The following REV3L variants were observed in gnomAD, a reference collection of about 807,000 sequenced individuals.
The protein encoded by REV3L is REV3 like, DNA directed polymerase zeta catalytic subunit.
REV3L carries 69 observed loss-of-function variants against 299.4 expected under a neutral mutation model. The ratio of observed to expected loss-of-function variants is 0.23; its 90% CI spans 0.19 to 0.28. The LOEUF (loss-of-function observed/expected upper bound fraction) is 0.28. Among genes scored for constraint, REV3L ranks in the 10% least tolerant of loss-of-function variants. REV3L has a pLI of 1.00. For missense variants in REV3L, 3,128 were observed against 3,693.8 expected, an observed-to-expected ratio of 0.85 and a Z score of 3.97; for synonymous variants, 1,238 against 1,271.4, an observed-to-expected ratio of 0.97 and a Z score of 0.56.
intron 11 of REV3L, 83 bp from the exon 12 acceptor site, chr6:111,377,926 T>C: frequency 9.6e-7 from 1 of 1,045,630 alleles, no homozygotes; most frequent in Non-Finnish European, 1.4e-6. Context: ...AAGTTAACTC[T>C]ATAATAATGT....
Position 111,483,001 on chromosome 6 carries a change from C to T in REV3L, c.-113G>A. ...CGCCCCCTCCCCTTCTCGGCACGGC[C>T]CCCTCCCCTCACACAGAGGCACCTC... On this transcript the variant is annotated 5_prime_UTR_variant, in exon 1 of 32. Coordinates refer to ENST00000368802, the MANE Select transcript of REV3L (RefSeq NM_001372078.1). 2 of 1,276,660 alleles carry T rather than the reference C, an allele frequency of 1.6e-6. No individual in the cohort carries two copies. Among genetic ancestry groups the T allele is most frequent in the Non-Finnish European group, 2.0e-6 (2 of 982,940 alleles). The allele number at this position is 1,276,660 out of a possible 1,614,324, so 79.1% of individuals were successfully genotyped here.
intron 21 of REV3L, among the ~76,000 whole-genome samples, chr6:111,335,901 CTTTT>C (rs1294850609): frequency 2.0e-5 from 3 of 150,886 alleles, no homozygotes; most frequent in African/African-American, 4.9e-5. Flanking sequence ...TTGCTCTATT[CTTTT>C]TTTTTCTATT....
chr6:111,392,795 A>G, intron 5 of REV3L, 81 bp downstream of exon 5: 1 of 893,354 alleles, frequency 1.1e-6, no homozygotes, highest in Non-Finnish European at 1.8e-6. Context: ...AAAGGTTAAA[A>G]TTTAATTATG....
chr6:111,466,003 G>C (rs1791465459), intron 1 of REV3L, among the ~76,000 whole-genome samples: 1 of 152,120 alleles, frequency 6.6e-6, no homozygotes, highest in Admixed American at 6.6e-5. Context: ...GTTTGCTACA[G>C]CTATGCAACA....
chr6:111,361,530 G>C (rs1778679072), intron 16 of REV3L: 1 of 151,100 alleles, frequency 6.6e-6, no homozygotes, highest in Admixed American at 6.6e-5. Context: ...TTGTTTACTA[G>C]ATCAAATTTT....
intron 4 of REV3L, among the ~76,000 whole-genome samples, chr6:111,404,454 G>C (rs529836962): frequency 2.0e-5 from 3 of 152,282 alleles, no homozygotes; most frequent in East Asian, 3.9e-4. Context: ...GCAGCCCATG[G>C]GTCAAAGAGT....
chr6:111,420,718 T>A (rs1217623690), intron 1 of REV3L, among the ~76,000 whole-genome samples: 2 of 152,232 alleles, frequency 1.3e-5, no homozygotes, highest in African/African-American at 4.8e-5. Context: ...CTTGACACCA[T>A]GGCAAAACTC....
At chr6:111,458,485 G>T (rs756551989) in intron 1 of REV3L, among the ~76,000 whole-genome samples, 2 of 152,088 alleles carry the variant, frequency 1.3e-5, no homozygotes, top group Non-Finnish European at 2.9e-5. Flanking sequence ...AAAAGAAGAA[G>T]TCAAACTATC....
chr6:111,315,238 T>A, intron 27 of REV3L, 29 bp downstream of exon 27: 1 of 1,529,540 alleles, frequency 6.5e-7, no homozygotes, highest in Admixed American at 1.7e-5. Flanking sequence ...GAATTTTATA[T>A]GTAATTACTA....
intron 18 of REV3L, among the ~76,000 whole-genome samples, chr6:111,352,760 A>C (rs181601502): frequency 6.6e-6 from 1 of 152,298 alleles, no homozygotes; most frequent in East Asian, 1.9e-4. Context: ...AATCTAGAAG[A>C]AAAATGTGCT....
At chr6:111,440,510 G>C (rs1788135570) in intron 1 of REV3L, among the ~76,000 whole-genome samples, 1 of 151,242 alleles carries the variant, frequency 6.6e-6, no homozygotes, top group African/African-American at 2.4e-5. Context: ...GTCCAAAACT[G>C]CAATTACTTA....
rs966544616 is a variant in REV3L at position 111,357,025 on chromosome 6, A to G, written c.7173T>C (p.Asn2391=). 6 of 1,582,170 alleles carry G rather than the reference A, an allele frequency of 3.8e-6. No homozygotes were observed. Among genetic ancestry groups the G allele is most frequent in the Non-Finnish European group, 5.2e-6 (6 of 1,158,736 alleles). ...DEKALFHEIA[N]IIKRYDPDIL... Reference sequence around the variant, plus strand: ...ATACAAAACAATACCTCTTTATTATATTTGCAATTTCATGAAAAAGTGCCT... The same window carrying G: ...ATACAAAACAATACCTCTTTATTATGTTTGCAATTTCATGAAAAAGTGCCT... Residue 2391 remains asparagine (N), a synonymous_variant, in exon 18 of 32, where the codon AAT becomes AAC. Transcript: ENST00000368802.
chr6:111,418,069 A>C (rs1784950734), intron 1 of REV3L, among the ~76,000 whole-genome samples: 1 of 152,190 alleles, frequency 6.6e-6, no homozygotes, highest in South Asian at 2.1e-4. Flanking sequence ...ATGCTTTTTA[A>C]ATATCTCATG....
At chr6:111,351,911 A>G in intron 18 of REV3L, 120 bp from the exon 19 acceptor site, 1 of 597,046 alleles carries the variant, frequency 1.7e-6, no homozygotes, top group Non-Finnish European at 2.9e-6. Context: ...AACGGTGCCC[A>G]GATGGAGAAG....
intron 21 of REV3L, among the ~76,000 whole-genome samples, chr6:111,338,882 A>G (rs566245770): frequency 6.6e-6 from 1 of 152,262 alleles, no homozygotes; most frequent in Admixed American, 6.5e-5. Flanking sequence ...ATAGTCTAAG[A>G]GATTTTCACA....
chr6:111,302,164 C>G (rs1771633212), intron 31 of REV3L, among the ~76,000 whole-genome samples: 1 of 152,188 alleles, frequency 6.6e-6, no homozygotes, highest in Admixed American at 6.5e-5. Flanking sequence ...ATGATATTGT[C>G]ACAAGCAGAC....
intron 17 of REV3L, among the ~76,000 whole-genome samples, chr6:111,357,430 C>A (rs143228098): frequency 3.3e-5 from 5 of 152,094 alleles, no homozygotes; most frequent in Admixed American, 3.3e-4. Context: ...CAGTGGCTCA[C>A]GCCTGTAATC....
chr6:111,335,653 T>A, intron 21 of REV3L, 43 bp from the exon 22 acceptor site: 1 of 1,576,542 alleles, frequency 6.3e-7, no homozygotes, highest in Non-Finnish European at 8.6e-7. Context: ...GGGAAAAATT[T>A]GGACACTTGA....
intron 1 of REV3L, among the ~76,000 whole-genome samples, chr6:111,446,029 C>T (rs1291918391): frequency 6.6e-6 from 1 of 152,140 alleles, no homozygotes; most frequent in Admixed American, 6.5e-5. Context: ...TTACACAACA[C>T]AAAAAGTTCA....
Sources: allele counts gnomAD v4.1 joint callset (sites outside exome capture counted in the v4.1 genomes callset), GRCh38; gene constraint gnomAD v4.1.1; transcripts MANE v1.5; gene names NCBI Gene and HGNC (gene_info 2026-07-23, HGNC 2026-07-21).